Variants in PRH1 observed in about 807,000 individuals in gnomAD.
PRH1 encodes the protein proline rich protein HaeIII subfamily 1.
A neutral mutation model predicts 7.9 loss-of-function variants in PRH1; 7 were observed. The ratio of observed to expected loss-of-function variants is 0.89; its 90% CI spans 0.50 to 1.67. The LOEUF is 1.67. PRH1 is among the 40% of genes most tolerant of loss of function. PRH1 has a pLI of 0.00. For synonymous variants in PRH1, 45 were observed against 80.8 expected (o/e 0.56, Z 2.38); for missense variants, 109 against 223.6 (o/e 0.49, Z 3.27).
chr12:10,962,115 C>G (rs1938265146), intron 2 of PRH1, among the ~76,000 whole-genome samples: 1 of 152,168 alleles, frequency 6.6e-6, no homozygotes, highest in Non-Finnish European at 1.5e-5. Flanking sequence ...GGCTCTAGTT[C>G]TAGACCTCCA....
At chr12:10,928,542 A>G (rs1950155130) in intron 2 of PRH1, among the ~76,000 whole-genome samples, 1 of 152,144 alleles carries the variant, frequency 6.6e-6, no homozygotes, top group African/African-American at 2.4e-5. Flanking sequence ...CCCTAAAGAT[A>G]TTTTTTAAAA....
intron 1 of PRH1, among the ~76,000 whole-genome samples, chr12:11,162,306 C>T (rs1023313191): frequency 6.6e-6 from 1 of 152,206 alleles, no homozygotes; most frequent in Non-Finnish European, 1.5e-5. Flanking sequence ...GCCAATCTAC[C>T]ATTGTATTCC....
Position 11,061,846 on chromosome 12 carries a change from T to C in PRH1, n.124-14658A>G. On this transcript the variant is annotated intron_variant and non_coding_transcript_variant, in intron 1 of 4. Coordinates refer to the PRH1 transcript ENST00000541977. ...ATATTCTTTTGTCCATATAATCTGATTCATGTTTATCACAAAAAGATGACA... is the reference window on the plus strand; with the variant it reads ...ATATTCTTTTGTCCATATAATCTGACTCATGTTTATCACAAAAAGATGACA... The C allele has an allele frequency of 6.2e-7, 1 of 1,614,164 alleles. No individual in the cohort carries two copies. Among genetic ancestry groups the C allele is most frequent in the East Asian group, 2.2e-5 (1 of 44,890 alleles).
chr12:11,114,987 A>C (rs2708333), intron 1 of PRH1, among the ~76,000 whole-genome samples: 69,136 of 152,004 alleles, frequency 0.45, 16,532 homozygotes, highest in Non-Finnish European at 0.53. Flanking sequence ...GAAAGAAAGA[A>C]GAGCAGACCA....
At chr12:11,170,669 G>T (rs192705954) in intron 1 of PRH1, among the ~76,000 whole-genome samples, 2 of 152,326 alleles carry the variant, frequency 1.3e-5, no homozygotes, top group East Asian at 3.9e-4. Flanking sequence ...CAGCTAATCT[G>T]AACTTTTTAA....
intron 1 of PRH1, among the ~76,000 whole-genome samples, chr12:11,020,480 T>A (rs1181512041): frequency 2.0e-5 from 3 of 151,750 alleles, no homozygotes; most frequent in Admixed American, 2.0e-4. Context: ...TAAAATTTCA[T>A]AACACCAAGA....
At chr12:11,116,403 C>T (rs1945731960), downstream of PRH1, among the ~76,000 whole-genome samples, 1 of 151,898 alleles carries the variant, frequency 6.6e-6, no homozygotes, top group African/African-American at 2.4e-5. Context: ...AAAAGTCTCC[C>T]ACTTTAGAAA....
chr12:10,997,954 T>C, intron 1 of PRH1: 1 of 815,308 alleles, frequency 1.2e-6, no homozygotes, highest in East Asian at 2.6e-5. Context: ...GACTTTAAGT[T>C]AAATATGCAC....
At chr12:11,144,002 G>A (rs1054813840) in intron 1 of PRH1, among the ~76,000 whole-genome samples, 1 of 152,192 alleles carries the variant, frequency 6.6e-6, no homozygotes, top group Non-Finnish European at 1.5e-5. Context: ...GATGGAGGGT[G>A]CAATGGACTC....
chr12:11,044,717 T>C (rs1220442519), intron 1 of PRH1, among the ~76,000 whole-genome samples: 1 of 152,144 alleles, frequency 6.6e-6, no homozygotes, highest in Non-Finnish European at 1.5e-5. Context: ...TCAACATCAT[T>C]GACCATCAGA....
At chr12:11,071,302 A>T (rs1347049620) in intron 1 of PRH1, among the ~76,000 whole-genome samples, 1 of 151,862 alleles carries the variant, frequency 6.6e-6, no homozygotes, top group African/African-American at 2.4e-5. Flanking sequence ...GGCCACTTTT[A>T]TAATGTATTT....
chr12:11,132,070 C>A (rs796874934), intron 1 of PRH1, among the ~76,000 whole-genome samples: 1 of 112,660 alleles, frequency 8.9e-6, no homozygotes, highest in Admixed American at 9.2e-5. Context: ...ATCTTAAGGT[C>A]TGAACAACAT....
At chr12:11,015,713 A>T (rs1198008480) in intron 1 of PRH1, among the ~76,000 whole-genome samples, 1 of 152,136 alleles carries the variant, frequency 6.6e-6, no homozygotes, top group Non-Finnish European at 1.5e-5. Context: ...TTCACTTAGG[A>T]GGTATGTAGT....
intron 1 of PRH1, among the ~76,000 whole-genome samples, chr12:11,035,705 G>C (rs1942407613): frequency 6.6e-6 from 1 of 152,146 alleles, no homozygotes; most frequent in Non-Finnish European, 1.5e-5. Flanking sequence ...ACTGGAAATT[G>C]ATTTGATGTC....
rs1218439504 is a variant in PRH1, at chr12:11,090,537, A to C, written n.124-43349T>G. ...ATATGCATAACTGATGATACCAATC[A>C]AGATCATGATCATGATGTTTCATCC... On this transcript the variant is annotated intron_variant and non_coding_transcript_variant, in intron 1 of 4. Transcript: ENST00000541977. 3.8e-4 allele frequency among the ~76,000 whole-genome samples: 44 copies of C among 117,050 alleles called. 15 individuals carry two copies. Among genetic ancestry groups the C allele is most frequent in the Middle Eastern group, 7.8e-3 (2 of 256 alleles). 76.8% of individuals were successfully genotyped at this position (117,050 alleles called of 152,430 possible). A position where few individuals can be genotyped will look rare whatever the true frequency, so the allele number is the denominator to read the frequency against.
chr12:11,082,848 CTTCAT>C lies in PRH1; in HGVS notation n.124-35665_124-35661del, dbSNP rs1001750219. On this transcript the variant is annotated intron_variant and non_coding_transcript_variant, in intron 1 of 4. Transcript: ENST00000541977. ...TCTGTGCAATTATGAAGTGTATAAG[CTTCAT>C]TTCATCTTTTAATAGCATCACTAAC... is the stretch of plus-strand genomic sequence containing the variant. Among the ~76,000 whole-genome samples the C allele has an allele frequency of 2.2e-4, 26 of 115,758 alleles. 4 individuals carry two copies. Among genetic ancestry groups the C allele is most frequent in the African/African-American group, 6.7e-4 (23 of 34,458 alleles). 75.9% of individuals were successfully genotyped at this position (115,758 alleles called of 152,430 possible). A position where few individuals can be genotyped will look rare whatever the true frequency, so the allele number is the denominator to read the frequency against.
downstream of PRH1, among the ~76,000 whole-genome samples, chr12:11,118,608 G>A (rs1369247898): frequency 6.6e-6 from 1 of 152,136 alleles, no homozygotes; most frequent in Non-Finnish European, 1.5e-5. Context: ...GTATCAAACA[G>A]GTATCCACAC....
intron 2 of PRH1, among the ~76,000 whole-genome samples, chr12:10,943,165 G>A (rs567934776): frequency 6.6e-6 from 1 of 152,258 alleles, no homozygotes; most frequent in South Asian, 2.1e-4. Flanking sequence ...CATGATGCAA[G>A]CCTTCACAAG....
intron 1 of PRH1, among the ~76,000 whole-genome samples, chr12:11,025,082 G>A (rs1244880009): frequency 2.7e-5 from 4 of 148,644 alleles, no homozygotes; most frequent in East Asian, 2.0e-4. Context: ...GCAGTGGCAC[G>A]ATCTCTGCTC....
Sources: gnomAD v4.1 joint callset for allele counts (sites outside exome capture counted in the v4.1 genomes callset) on GRCh38, gnomAD v4.1.1 for gene constraint, MANE v1.5 for transcripts, NCBI Gene and HGNC (gene_info 2026-07-23, HGNC 2026-07-21) for gene names.